The following RCOR3 variants were observed in gnomAD, a reference collection of about 807,000 sequenced individuals.
RCOR3 encodes REST corepressor 3.
A neutral mutation model predicts 64.1 loss-of-function variants in RCOR3; 13 were observed. The observed-to-expected ratio is 0.20, with a 90% CI of 0.13 to 0.32. The LOEUF (loss-of-function observed/expected upper bound fraction) is 0.32. Among genes scored for constraint, RCOR3 ranks in the 10% least tolerant of loss-of-function variants. The probability of loss-of-function intolerance (pLI) is 1.00; values close to 1 mark genes in which losing one functional copy is unlikely to be tolerated. For missense variants in RCOR3, 489 were observed against 701.2 expected (o/e 0.70, Z 3.42); for synonymous variants, 215 against 239.0 (o/e 0.90, Z 0.93).
intron 9 of RCOR3, 43 bp from the exon 10 acceptor site, chr1:211,304,040 T>G: frequency 7.1e-7 from 1 of 1,404,604 alleles, no homozygotes; most frequent in East Asian, 2.3e-5. Context: ...GGAAAATGTC[T>G]GTCTTCATAT....
intron 1 of RCOR3, 85 bp from the exon 2 acceptor site, chr1:211,260,023 A>G (rs1693937386): frequency 6.0e-6 from 8 of 1,335,726 alleles, no homozygotes; most frequent in Non-Finnish European, 6.7e-6. Context: ...CCATCTAGCG[A>G]TTTTTATTTT....
chr1:211,312,446 T>A lies in RCOR3; in HGVS notation c.1076-274T>A. ...CAATAAATGGACTGTATTTGAGAGT[T>A]CAAGAGAGGATTGGAGAAAATAACT... On this transcript the variant is annotated intron_variant, in intron 10 of 11. Transcript: ENST00000419091. This position sits in a 1 kb window ranked among gnomAD's most constrained non-coding sequence, Gnocchi z 5.0. 1 of 563,452 alleles carries A rather than the reference T, an allele frequency of 1.8e-6. No homozygotes were observed. The highest frequency in any genetic ancestry group is 1.5e-5 in the South Asian group (1 of 65,060). The allele number at this position is 563,452 out of a possible 1,614,324, so 34.9% of individuals were successfully genotyped here. A position where few individuals can be genotyped will look rare whatever the true frequency, so the allele number is the denominator to read the frequency against.
At chr1:211,263,352 AC>A (rs1265734988) in intron 2 of RCOR3, among the ~76,000 whole-genome samples, 5 of 152,008 alleles carry the variant, frequency 3.3e-5, no homozygotes, top group Non-Finnish European at 1.5e-5. Flanking sequence ...CTATTTTGAA[AC>A]CTAAATAGAA....
rs891104865 is a variant in RCOR3, at chr1:211,259,382, T to C, written c.-179T>C. The C allele has an allele frequency of 3.4e-5, 19 of 561,406 alleles. No homozygotes were observed. The highest frequency in any genetic ancestry group is 5.5e-5 in the Non-Finnish European group (18 of 326,384). The allele number at this position is 561,406 out of a possible 1,614,324, so 34.8% of individuals were successfully genotyped here. Reference sequence around the variant, plus strand: ...CCGGGGCGGGTTGTTGTGAGGCGACTGCGCTACTGCCGGAGCGGGGCGGTT... The same window carrying C: ...CCGGGGCGGGTTGTTGTGAGGCGACCGCGCTACTGCCGGAGCGGGGCGGTT... On this transcript the variant is annotated 5_prime_UTR_variant, in exon 1 of 12. Coordinates refer to ENST00000419091, the MANE Select transcript of RCOR3 (RefSeq NM_001136223.3).
chr1:211,288,780 CT>C (rs1174358432), intron 7 of RCOR3, among the ~76,000 whole-genome samples: 2 of 151,850 alleles, frequency 1.3e-5, no homozygotes, highest in Non-Finnish European at 2.9e-5. Context: ...AAATTGCCCC[CT>C]TTTTTCTTTC....
At chr1:211,269,078 T>C (rs1350750318) in intron 2 of RCOR3, among the ~76,000 whole-genome samples, 1 of 152,208 alleles carries the variant, frequency 6.6e-6, no homozygotes, top group African/African-American at 2.4e-5. Context: ...CTTATAACTT[T>C]ATAAAGGATT....
chr1:211,263,545 A>G (rs989615509), intron 2 of RCOR3, among the ~76,000 whole-genome samples: 5 of 152,170 alleles, frequency 3.3e-5, no homozygotes, highest in African/African-American at 1.2e-4. Flanking sequence ...TGCTAAACCT[A>G]AGGACACAAT....
intron 3 of RCOR3, among the ~76,000 whole-genome samples, chr1:211,272,053 G>A (rs1696276455): frequency 6.6e-6 from 1 of 152,162 alleles, no homozygotes; most frequent in Non-Finnish European, 1.5e-5. Flanking sequence ...GAAAATTAAT[G>A]ATATCCTATC....
intron 4 of RCOR3, 101 bp downstream of exon 4, chr1:211,274,363 C>A: frequency 1.3e-6 from 1 of 740,940 alleles, no homozygotes; most frequent in Non-Finnish European, 2.2e-6. Flanking sequence ...ATAAGCTTGA[C>A]CAGCTATTTT....
At chr1:211,262,800 A>G (rs988103669) in intron 2 of RCOR3, among the ~76,000 whole-genome samples, 2 of 147,938 alleles carry the variant, frequency 1.4e-5, no homozygotes, top group Non-Finnish European at 1.5e-5. Context: ...AATAATATTA[A>G]TGTGATTTTG....
intron 2 of RCOR3, among the ~76,000 whole-genome samples, chr1:211,268,540 C>T (rs11119716): frequency 0.49 from 74,841 of 151,568 alleles, 21,116 homozygotes; most frequent in East Asian, 0.62. Flanking sequence ...CCACCACACC[C>T]GGCTAATTGT....
At position 211,259,723 on chromosome 1, in the gene RCOR3, C is replaced by A; in HGVS notation, c.163C>A (p.His55Asn). ...GAGCGGCTGCAGCAGCGACGACGAG[C>A]ACGGTGGTAGCCTCGAACTCCTCCC... ...PESGCSSDDE[H>N]DVGMRVGAEY... Residue 55 changes from histidine (H) to asparagine (N), a missense_variant, in exon 1 of 12, where the codon CAC (histidine) becomes AAC (asparagine). Physicochemically the swap from His to Asn is moderately conservative, Grantham distance 68. Transcript: ENST00000419091. 1.3e-6 allele frequency: 2 copies of A among 1,507,530 alleles called. No homozygotes were observed. Among genetic ancestry groups the A allele is most frequent in the Non-Finnish European group, 1.8e-6 (2 of 1,127,414 alleles). The allele number at this position is 1,507,530 out of a possible 1,614,324, so 93.4% of individuals were successfully genotyped here. A position where few individuals can be genotyped will look rare whatever the true frequency, so the allele number is the denominator to read the frequency against.
At chr1:211,261,503 A>G (rs1694267633) in intron 2 of RCOR3, among the ~76,000 whole-genome samples, 1 of 152,208 alleles carries the variant, frequency 6.6e-6, no homozygotes, top group Non-Finnish European at 1.5e-5. Context: ...GCTTCAAATA[A>G]TTTTAAATGT....
chr1:211,307,745 T>C (rs1700998146), intron 10 of RCOR3, among the ~76,000 whole-genome samples: 1 of 151,934 alleles, frequency 6.6e-6, no homozygotes, highest in Non-Finnish European at 1.5e-5. Context: ...AAAAAAATGC[T>C]TCCCAACTAA....
chr1:211,282,508 T>G (rs1408944681), intron 7 of RCOR3, among the ~76,000 whole-genome samples: 6 of 151,748 alleles, frequency 4.0e-5, no homozygotes, highest in East Asian at 1.9e-4. Context: ...TTCTTGTTTT[T>G]TTTTTTTTTT....
chr1:211,307,889 ATGAC>A (rs1274246723), intron 10 of RCOR3, among the ~76,000 whole-genome samples: 3 of 152,012 alleles, frequency 2.0e-5, no homozygotes, highest in African/African-American at 7.2e-5. Flanking sequence ...AAAACAGAAA[ATGAC>A]AGAACTATGT....
chr1:211,283,591 T>G (rs1698116315), intron 7 of RCOR3, among the ~76,000 whole-genome samples: 1 of 152,338 alleles, frequency 6.6e-6, no homozygotes, highest in Non-Finnish European at 1.5e-5. Flanking sequence ...CTACTGAGGC[T>G]GAATGTTTTT....
chr1:211,277,133 A>G (rs954770849), intron 5 of RCOR3, among the ~76,000 whole-genome samples: 2 of 151,528 alleles, frequency 1.3e-5, no homozygotes, highest in Non-Finnish European at 1.5e-5. Context: ...TATTATTTCA[A>G]TATTGTCCAG....
chr1:211,298,045 A>C (rs1700016407), intron 9 of RCOR3, among the ~76,000 whole-genome samples: 1 of 152,210 alleles, frequency 6.6e-6, no homozygotes, highest in Non-Finnish European at 1.5e-5. Flanking sequence ...TCACTTCCAC[A>C]AGTATTTATT....
Sources: gnomAD v4.1 joint callset for allele counts (sites outside exome capture counted in the v4.1 genomes callset) on GRCh38, gnomAD v4.1.1 for gene constraint, Gnocchi (gnomAD v3.1) non-coding constraint, MANE v1.5 for transcripts, NCBI Gene and HGNC (gene_info 2026-07-23, HGNC 2026-07-21) for gene names.